The following HGSNAT variants were observed in gnomAD, a reference collection of about 807,000 sequenced individuals.
HGSNAT encodes the protein transmembrane protein 76.
Under a neutral mutation model 85.2 loss-of-function variants are expected in HGSNAT, and 59 were observed. The ratio of observed to expected loss-of-function variants is 0.69; its 90% CI spans 0.56 to 0.86. The LOEUF is 0.86. HGSNAT is among the 40% of genes least tolerant of loss of function. HGSNAT has a pLI of 0.00. For synonymous variants in HGSNAT, 321 were observed against 304.5 expected, an observed-to-expected ratio of 1.05 and a Z score of -0.56; for missense variants, 756 against 777.1, an observed-to-expected ratio of 0.97 and a Z score of 0.32.
At chr8:43,164,115 G>A (rs1179638812) in intron 5 of HGSNAT, among the ~76,000 whole-genome samples, 1 of 152,190 alleles carries the variant, frequency 6.6e-6, no homozygotes, top group Non-Finnish European at 1.5e-5. Flanking sequence ...ATCCATTAGA[G>A]ATACATACTA....
chr8:43,172,274 A>C (rs1158111199), intron 7 of HGSNAT, 36 bp from the exon 8 acceptor site: 5 of 1,480,974 alleles, frequency 3.4e-6, no homozygotes, highest in Non-Finnish European at 4.7e-6. Flanking sequence ...TCACATAGCA[A>C]ACCCTGAAAG....
chr8:43,165,422 G>C (rs1803403243), intron 5 of HGSNAT, among the ~76,000 whole-genome samples: 1 of 151,948 alleles, frequency 6.6e-6, no homozygotes, highest in Non-Finnish European at 1.5e-5. Flanking sequence ...TTGAAATTAG[G>C]CTAATTAATT....
intron 11 of HGSNAT, among the ~76,000 whole-genome samples, chr8:43,184,170 C>A (rs1758380320): frequency 6.6e-6 from 1 of 152,328 alleles, no homozygotes; most frequent in Admixed American, 6.5e-5. Flanking sequence ...ATGGCTGGGT[C>A]CAATGGTATT....
At chr8:43,195,804 G>A in intron 14 of HGSNAT, 1 of 157,740 alleles carries the variant, frequency 6.3e-6, no homozygotes, top group Non-Finnish European at 1.4e-5. Context: ...GAGGAGTAGG[G>A]GTCGGTCTTG....
chr8:43,158,126 G>C (rs1474027171), intron 2 of HGSNAT, among the ~76,000 whole-genome samples: 1 of 152,028 alleles, frequency 6.6e-6, no homozygotes, highest in Non-Finnish European at 1.5e-5. Flanking sequence ...TTGAGACAGA[G>C]TCTTGCTCTC....
intron 8 of HGSNAT, among the ~76,000 whole-genome samples, 152 bp from the exon 9 acceptor site, chr8:43,173,561 C>T (rs961582425): frequency 6.6e-6 from 1 of 152,120 alleles, no homozygotes; most frequent in East Asian, 1.9e-4. Context: ...CTGCTCGCCT[C>T]GGCCCCCACA....
chr8:43,175,490 G>A (rs1031820274), intron 9 of HGSNAT, among the ~76,000 whole-genome samples: 3 of 147,108 alleles, frequency 2.0e-5, no homozygotes, highest in African/African-American at 5.0e-5. Flanking sequence ...GTTGAGCACC[G>A]TTTCATATTC....
In HGSNAT at chr8:43,182,160, T is replaced by A; in HGVS notation, c.1028T>A (p.Val343Glu). 1 of 1,613,940 alleles carries A rather than the reference T, an allele frequency of 6.2e-7. No individual in the cohort carries two copies. The change falls in exon 11 of 18, where the codon GTG becomes GAG. Residue 343 changes from valine to glutamate, a missense_variant. Physicochemically the swap from Val to Glu is moderately radical, Grantham distance 121 (BLOSUM62 -2). Coordinates refer to ENST00000379644, the MANE Select transcript of HGSNAT (RefSeq NM_152419.3). ...YCLGPLSWDK[V>E]RIPGVLQRLG... ...TCTTTTGCAGTGTCTTGGGACAAGGTGCGCATTCCTGGTGTGCTGCAGCGA... is the reference window on the plus strand; with the variant it reads ...TCTTTTGCAGTGTCTTGGGACAAGGAGCGCATTCCTGGTGTGCTGCAGCGA...
At chr8:43,178,751 G>A (rs529007857) in intron 10 of HGSNAT, among the ~76,000 whole-genome samples, 2 of 149,736 alleles carry the variant, frequency 1.3e-5, no homozygotes, top group South Asian at 2.1e-4. Flanking sequence ...AGGACCCTGC[G>A]GCCTTGGCCT....
intron 5 of HGSNAT, among the ~76,000 whole-genome samples, chr8:43,167,329 A>G (rs1803464313): frequency 2.0e-5 from 3 of 152,308 alleles, no homozygotes; most frequent in South Asian, 4.1e-4. Flanking sequence ...GTGAAAGGAA[A>G]AGTCTGTGGC....
intron 11 of HGSNAT, among the ~76,000 whole-genome samples, chr8:43,190,543 C>G (rs570767672): frequency 1.3e-4 from 20 of 152,182 alleles, no homozygotes; most frequent in African/African-American, 4.8e-4. Flanking sequence ...CTTGGTCAGC[C>G]ATGGATATGA....
chr8:43,183,577 T>A (rs1367144126), intron 11 of HGSNAT, among the ~76,000 whole-genome samples: 2 of 151,700 alleles, frequency 1.3e-5, no homozygotes, highest in African/African-American at 4.8e-5. Flanking sequence ...TTCACGCCGT[T>A]CTCCTGTCTC....
At chr8:43,164,983 A>G (rs1351417207) in intron 5 of HGSNAT, among the ~76,000 whole-genome samples, 1 of 151,888 alleles carries the variant, frequency 6.6e-6, no homozygotes, top group African/African-American at 2.4e-5. Flanking sequence ...CCCAGGCACA[A>G]GCAGTCCTCC....
chr8:43,176,284 C>T (rs1486375703), intron 9 of HGSNAT, among the ~76,000 whole-genome samples: 1 of 152,122 alleles, frequency 6.6e-6, no homozygotes, highest in Non-Finnish European at 1.5e-5. Context: ...AGTTTTCTAG[C>T]ATCATTTTTT....
chr8:43,182,302 T>G (rs1563376315), intron 11 of HGSNAT, 42 bp downstream of exon 11: 5 of 1,451,308 alleles, frequency 3.4e-6, no homozygotes, highest in South Asian at 1.1e-5. Context: ...TTTTTTAAAT[T>G]AAAAAAAATG....
chr8:43,196,375 C>G, intron 14 of HGSNAT: 1 of 906,512 alleles, frequency 1.1e-6, no homozygotes, highest in South Asian at 1.4e-5. Flanking sequence ...TTAAATGTTT[C>G]CCTGCCTCCC....
At chr8:43,175,896 AT>A (rs889858022) in intron 9 of HGSNAT, among the ~76,000 whole-genome samples, 2 of 151,520 alleles carry the variant, frequency 1.3e-5, no homozygotes, top group South Asian at 2.1e-4. Flanking sequence ...GGATTATTAG[AT>A]TTTTTTTCCT....
intron 10 of HGSNAT, among the ~76,000 whole-genome samples, chr8:43,181,440 G>A (rs1440154000): frequency 1.3e-5 from 2 of 151,972 alleles, no homozygotes; most frequent in African/African-American, 2.4e-5. Context: ...GTCCTCAAGG[G>A]CCTTGCAACT....
chr8:43,158,433 T>C (rs1187814102), intron 2 of HGSNAT, 142 bp from the exon 3 acceptor site: 1 of 834,160 alleles, frequency 1.2e-6, no homozygotes, highest in Non-Finnish European at 1.9e-6. Context: ...TAGGTAAATT[T>C]AAATTATTGA....
Sources: allele counts gnomAD v4.1 joint callset (sites outside exome capture counted in the v4.1 genomes callset), GRCh38; gene constraint gnomAD v4.1.1; transcripts MANE v1.5; gene names NCBI Gene and HGNC (gene_info 2026-07-23, HGNC 2026-07-21).